Variants in MCU observed in about 807,000 individuals in gnomAD.
MCU encodes calcium uniporter protein, mitochondrial.
A neutral mutation model predicts 45.2 loss-of-function variants in MCU; 12 were observed. That is an observed-to-expected ratio of 0.27 (90% CI 0.17 to 0.43). MCU has a LOEUF of 0.43. Among genes scored for constraint, MCU ranks in the 20% least tolerant of loss-of-function variants. MCU has a pLI of 1.00. For synonymous variants in MCU, 160 were observed against 165.1 expected, an observed-to-expected ratio of 0.97 and a Z score of 0.24; for missense variants, 324 against 436.7, an observed-to-expected ratio of 0.74 and a Z score of 2.30.
chr10:72,757,430 C>T (rs1194295407), intron 1 of MCU, among the ~76,000 whole-genome samples: 1 of 152,172 alleles, frequency 6.6e-6, no homozygotes, highest in Non-Finnish European at 1.5e-5. Flanking sequence ...ACTTCCCCAA[C>T]CCCCACCCAA....
chr10:72,873,908 A>T (rs1280561152), intron 6 of MCU, among the ~76,000 whole-genome samples: 1 of 152,134 alleles, frequency 6.6e-6, no homozygotes, highest in African/African-American at 2.4e-5. Context: ...ATGATTGGCT[A>T]TAAATGCTTG....
At chr10:72,852,032 A>G (rs1845214243) in intron 2 of MCU, among the ~76,000 whole-genome samples, 1 of 152,090 alleles carries the variant, frequency 6.6e-6, no homozygotes. Flanking sequence ...TCAGACTCAC[A>G]GATTCTATCT....
chr10:72,826,400 T>C (rs529811886), intron 1 of MCU, among the ~76,000 whole-genome samples: 1 of 152,296 alleles, frequency 6.6e-6, no homozygotes, highest in South Asian at 2.1e-4. Flanking sequence ...CAAAATAAAA[T>C]ATTTTTAAAA....
chr10:72,871,789 T>G (rs1326682979), intron 6 of MCU, among the ~76,000 whole-genome samples: 1 of 152,200 alleles, frequency 6.6e-6, no homozygotes, highest in African/African-American at 2.4e-5. Flanking sequence ...TCCACCCTCA[T>G]GGAGCTCACA....
intron 5 of MCU, among the ~76,000 whole-genome samples, chr10:72,869,448 T>A (rs559061410): frequency 6.6e-6 from 1 of 152,310 alleles, no homozygotes; most frequent in Admixed American, 6.5e-5. Flanking sequence ...AGCCGGGCAT[T>A]GTGGTATCAT....
intron 1 of MCU, among the ~76,000 whole-genome samples, chr10:72,792,128 A>G (rs1174271892): frequency 6.6e-6 from 1 of 152,238 alleles, no homozygotes; most frequent in African/African-American, 2.4e-5. Flanking sequence ...GCAGAAAGAA[A>G]GGCATTTATT....
chr10:72,727,558 C>T (rs568702739), intron 1 of MCU, among the ~76,000 whole-genome samples: 57 of 152,312 alleles, frequency 3.7e-4, no homozygotes, highest in African/African-American at 1.4e-3. Flanking sequence ...CATAAAGCCT[C>T]TTTGCTTTCT....
intron 1 of MCU, among the ~76,000 whole-genome samples, chr10:72,733,412 G>A (rs150636283): frequency 2.2e-4 from 33 of 152,196 alleles, no homozygotes; most frequent in African/African-American, 6.7e-4. Flanking sequence ...AGCTGAGATC[G>A]CGCCATTGCC....
intron 1 of MCU, among the ~76,000 whole-genome samples, chr10:72,766,082 A>G (rs1028159589): frequency 7.2e-5 from 11 of 152,102 alleles, no homozygotes; most frequent in African/African-American, 2.4e-4. Context: ...TTTGCGGGCT[A>G]GTCTTGAACA....
intron 1 of MCU, among the ~76,000 whole-genome samples, chr10:72,816,338 G>T (rs1844626024): frequency 6.6e-6 from 1 of 152,090 alleles, no homozygotes; most frequent in African/African-American, 2.4e-5. Context: ...AAAACATAAA[G>T]ATGAGATTTA....
rs180980215 is a variant in MCU at position 72,809,707 on chromosome 10, G to T, written c.151-24652G>T. ...GATAATAACTTGAAGTTCTAAGAAA[G>T]GTTGAGCTCTCCAAACAGAATAAGT... On this transcript the variant is annotated intron_variant, in intron 1 of 7. Coordinates refer to ENST00000373053, the MANE Select transcript of MCU (RefSeq NM_138357.3). Among the ~76,000 whole-genome samples, 7 of 152,262 alleles carry T rather than the reference G, an allele frequency of 4.6e-5. No individual in the cohort carries two copies. The East Asian group carries it at 1.3e-3, about 29-fold the overall frequency.
chr10:72,868,585 T>A, intron 4 of MCU, 118 bp from the exon 5 acceptor site: 2 of 848,078 alleles, frequency 2.4e-6, no homozygotes, highest in Non-Finnish European at 3.6e-6. Context: ...ATTACTTTCC[T>A]TCAGTTTAAC....
intron 6 of MCU, among the ~76,000 whole-genome samples, chr10:72,880,387 G>A (rs181009396): frequency 1.1e-4 from 17 of 151,406 alleles, no homozygotes; most frequent in South Asian, 2.1e-4. Context: ...TTTCTATATT[G>A]CTAGCAACAA....
At chr10:72,777,971 AATGAGAT>A (rs1843921458) in intron 1 of MCU, among the ~76,000 whole-genome samples, 2 of 152,350 alleles carry the variant, frequency 1.3e-5, no homozygotes, top group South Asian at 4.1e-4. Flanking sequence ...TCAAAACCAC[AATGAGAT>A]ATCATTTCAT....
At chr10:72,791,919 A>G (rs992018982) in intron 1 of MCU, among the ~76,000 whole-genome samples, 3 of 152,042 alleles carry the variant, frequency 2.0e-5, no homozygotes, top group African/African-American at 7.2e-5. Context: ...TATCAAAAGC[A>G]GCTATACATG....
Position 72,884,321 on chromosome 10 carries a change from G to C in MCU, c.917G>C (p.Gly306Ala). Reference protein sequence around the residue: ...DRQYLLFFHKGAKKSRFDLEK... With the variant: ...DRQYLLFFHKAAKKSRFDLEK... ...CAATACTTACTATTTTTCCATAAAGGAGCCAAAAAGTCACGTTTTGACCTA... is the reference window on the plus strand; with the variant it reads ...CAATACTTACTATTTTTCCATAAAGCAGCCAAAAAGTCACGTTTTGACCTA... The change falls in exon 7 of 8, where the codon GGA becomes GCA. Residue 306 changes from glycine to alanine, a missense_variant. By Grantham distance (60) the Gly-to-Ala change is moderately conservative (BLOSUM62 0). Coordinates refer to ENST00000373053, the MANE Select transcript of MCU (RefSeq NM_138357.3). The C allele has an allele frequency of 6.2e-7, 1 of 1,612,696 alleles. No individual in the cohort carries two copies. Among genetic ancestry groups the C allele is most frequent in the Non-Finnish European group, 8.5e-7 (1 of 1,178,988 alleles).
chr10:72,790,285 C>T (rs1844139506), intron 1 of MCU, among the ~76,000 whole-genome samples: 1 of 152,190 alleles, frequency 6.6e-6, no homozygotes, highest in Admixed American at 6.5e-5. Context: ...TCTGTACCCA[C>T]TGAATGTTGG....
At chr10:72,773,700 A>G (rs533499017) in intron 1 of MCU, among the ~76,000 whole-genome samples, 1 of 152,332 alleles carries the variant, frequency 6.6e-6, no homozygotes, top group Admixed American at 6.5e-5. Flanking sequence ...TCAAAAGTTA[A>G]GAACAGAAAG....
intron 1 of MCU, among the ~76,000 whole-genome samples, chr10:72,714,486 C>G (rs559073528): frequency 6.6e-6 from 1 of 151,522 alleles, no homozygotes; most frequent in Admixed American, 6.6e-5. Context: ...CACCACCACA[C>G]CCAGCTAACT....
Sources: gnomAD v4.1 joint callset for allele counts (sites outside exome capture counted in the v4.1 genomes callset) on GRCh38, gnomAD v4.1.1 for gene constraint, MANE v1.5 for transcripts, NCBI Gene and HGNC (gene_info 2026-07-23, HGNC 2026-07-21) for gene names.